Variants in TMCO6 observed in about 807,000 individuals in gnomAD.
TMCO6 encodes the protein transmembrane and coiled-coil domain-containing protein 6.
Under a neutral mutation model 61.8 loss-of-function variants are expected in TMCO6, and 47 were observed. That is an observed-to-expected ratio of 0.76 (90% CI 0.60 to 0.97). TMCO6 has a LOEUF of 0.97. Among genes scored for constraint, TMCO6 ranks in the 50% least tolerant of loss-of-function variants. The pLI, the probability that TMCO6 is intolerant of heterozygous loss-of-function variation, is 0.00. For synonymous variants in TMCO6, 261 were observed against 254.2 expected, an observed-to-expected ratio of 1.03 and a Z score of -0.25; for missense variants, 557 against 601.6, an observed-to-expected ratio of 0.93 and a Z score of 0.78.
chr5:140,617,764 C>T, the TMCO6 span, among the ~76,000 whole-genome samples: 2 of 150,530 alleles, frequency 1.3e-5, no homozygotes, highest in Non-Finnish European at 3.0e-5. Flanking sequence ...GGTCTCAAAT[C>T]GTTAAGGAAA....
chr5:140,635,394 G>C (rs2149785027), upstream of TMCO6, among the ~76,000 whole-genome samples: 1 of 152,296 alleles, frequency 6.6e-6, no homozygotes, highest in South Asian at 2.1e-4. Flanking sequence ...TAAAGTCTTT[G>C]GCACAGAAAC....
the TMCO6 span, chr5:140,609,312 G>A: frequency 4.8e-6 from 1 of 208,236 alleles, no homozygotes; most frequent in South Asian, 7.5e-5. Context: ...ATCAAGAAAA[G>A]GGTGGGGACA....
At chr5:140,639,383 G>A (rs1164266333), upstream of TMCO6, 3 of 771,626 alleles carry the variant, frequency 3.9e-6, no homozygotes, top group African/African-American at 3.6e-5. Context: ...GCCGAGCCCC[G>A]CCCTCACCCA....
chr5:140,645,180 C>G lies in TMCO6; in HGVS notation c.*82C>G. ...AGTAGAGCCTTTGGAGATTTAGGAC[C>G]ATAATGAGGTCTCATGTTCTCTGCT... On this transcript the variant is annotated 3_prime_UTR_variant, in exon 12 of 12. Coordinates refer to ENST00000394671, the MANE Select transcript of TMCO6 (RefSeq NM_018502.5). 2.9e-6 allele frequency: 4 copies of G among 1,392,850 alleles called. No individual in the cohort carries two copies. Among genetic ancestry groups the G allele is most frequent in the Non-Finnish European group, 4.0e-6 (4 of 989,372 alleles). 86.3% of individuals were successfully genotyped at this position (1,392,850 alleles called of 1,614,324 possible).
the TMCO6 span, among the ~76,000 whole-genome samples, chr5:140,612,663 CTG>C: frequency 6.6e-6 from 1 of 152,160 alleles, no homozygotes; most frequent in Admixed American, 6.5e-5. Flanking sequence ...TAGGGCCTCT[CTG>C]AGGATGCCCT....
At position 140,642,999 on chromosome 5, in the gene TMCO6, T is replaced by C. The variant is rs765490593; in HGVS notation, c.764T>C (p.Val255Ala). The C allele has an allele frequency of 5.0e-6, 8 of 1,613,994 alleles. No homozygotes were observed. The East Asian group carries it at 1.8e-4, about 36-fold the overall frequency. The change falls in exon 7 of 12, where the codon GTC becomes GCC. Residue 255 changes from valine to alanine, a missense_variant. Transcript: ENST00000394671. ...LQPGPKLNPG[V>A]AVEFAWCLHY... is the part of the protein sequence containing the mutation. ...CCTGGCCCAAAGCTCAACCCTGGGG[T>C]CGCTGTGGAGTTTGCCTGGTGCCTT...
At chr5:140,611,216 T>C in the TMCO6 span, among the ~76,000 whole-genome samples, 5 of 152,142 alleles carry the variant, frequency 3.3e-5, no homozygotes, top group Admixed American at 6.6e-5. Flanking sequence ...TGTTTCTGTG[T>C]CTCTTTGTCT....
In TMCO6 at chr5:140,642,633, G is replaced by C; in HGVS notation, c.651G>C (p.Gln217His). The change falls in exon 6 of 12, where the codon CAG (glutamine) becomes CAC (histidine). Residue 217 changes from glutamine to histidine, a missense_variant. Coordinates refer to ENST00000394671, the MANE Select transcript of TMCO6 (RefSeq NM_018502.5). ...AAGCTCTCGGATATGCCTTGTCCCA[G>C]CTTCTACAGGCTGAGGAAGCTCCAG... The part of the protein sequence containing the change: ...VLEALGYALS[Q>H]LLQAEEAPEK... 1.9e-6 allele frequency: 3 copies of C among 1,614,246 alleles called. No homozygotes were observed. Among genetic ancestry groups the C allele is most frequent in the Non-Finnish European group, 2.5e-6 (3 of 1,180,044 alleles).
chr5:140,598,829 G>A, the TMCO6 span, among the ~76,000 whole-genome samples: 6 of 152,272 alleles, frequency 3.9e-5, no homozygotes, highest in African/African-American at 7.2e-5. Flanking sequence ...CCAGCTACTC[G>A]GGAGGCTGAG....
chr5:140,621,730 T>C, the TMCO6 span, among the ~76,000 whole-genome samples: 1 of 152,316 alleles, frequency 6.6e-6, no homozygotes, highest in African/African-American at 2.4e-5. Flanking sequence ...GAATTCCTTT[T>C]CTCAGCAAGG....
At chr5:140,623,011 T>C in the TMCO6 span, among the ~76,000 whole-genome samples, 1 of 152,276 alleles carries the variant, frequency 6.6e-6, no homozygotes, top group Admixed American at 6.5e-5. Flanking sequence ...AGCCACCATG[T>C]CTGGCTTTGA....
chr5:140,643,856 A>G lies in TMCO6; in HGVS notation c.995A>G (p.Gln332Arg). The change falls in exon 9 of 12, where the codon CAG becomes CGG. Residue 332 changes from glutamine (Q) to arginine (R), a missense_variant. By Grantham distance (43) the Gln-to-Arg change is conservative. Transcript: ENST00000394671. ...AAVETVGGQM[Q>R]LRDERVVAAL... ...GTGGAGACTGTGGGAGGGCAAATGCAGCTCAGAGATGAGCGTGTTGTGGCA... is the reference window on the plus strand; with the variant it reads ...GTGGAGACTGTGGGAGGGCAAATGCGGCTCAGAGATGAGCGTGTTGTGGCA... The G allele has an allele frequency of 6.2e-7, 1 of 1,614,234 alleles. No homozygotes were observed. The highest frequency in any genetic ancestry group is 8.5e-7 in the Non-Finnish European group (1 of 1,180,044).
At chr5:140,637,530 C>T (rs1434374250), upstream of TMCO6, among the ~76,000 whole-genome samples, 2 of 152,160 alleles carry the variant, frequency 1.3e-5, no homozygotes, top group East Asian at 3.8e-4. Flanking sequence ...TCTGAATGGA[C>T]TTCCTCCTCA....
chr5:140,626,304 C>CT, the TMCO6 span, among the ~76,000 whole-genome samples: 1 of 151,230 alleles, frequency 6.6e-6, no homozygotes, highest in Admixed American at 6.6e-5. Context: ...TAATGTCAAA[C>CT]CCAATTCTTA....
downstream of TMCO6, chr5:140,647,216 C>T (rs950826135): frequency 1.3e-6 from 2 of 1,519,728 alleles, no homozygotes; most frequent in African/African-American, 1.4e-5. Flanking sequence ...AACCCTTGTT[C>T]CCCTACCGGA....
At chr5:140,645,443 G>A (rs771218641), downstream of TMCO6, 7 of 1,047,638 alleles carry the variant, frequency 6.7e-6, no homozygotes, top group South Asian at 5.4e-5. Flanking sequence ...AGGGGTAGAG[G>A]GTAGATGAGG....
downstream of TMCO6, chr5:140,645,835 A>C: frequency 7.6e-7 from 1 of 1,307,816 alleles, no homozygotes; most frequent in South Asian, 1.3e-5. Flanking sequence ...AATTAATACA[A>C]TAGGTCTCAA....
At chr5:140,647,610 C>A (rs763621450), downstream of TMCO6, 62 of 1,604,684 alleles carry the variant, frequency 3.9e-5, no homozygotes, top group Non-Finnish European at 5.2e-5. Context: ...GTCGCCAATT[C>A]CAGGTCTTCA....
chr5:140,622,860 A>C, the TMCO6 span, among the ~76,000 whole-genome samples: 1 of 151,922 alleles, frequency 6.6e-6, no homozygotes, highest in Non-Finnish European at 1.5e-5. Context: ...TTTCTGTATG[A>C]TTTTACTTTC....
Sources: allele counts gnomAD v4.1 joint callset (sites outside exome capture counted in the v4.1 genomes callset), GRCh38; gene constraint gnomAD v4.1.1; transcripts MANE v1.5; gene names NCBI Gene and HGNC (gene_info 2026-07-23, HGNC 2026-07-21).